The following RANBP17 variants were observed in gnomAD, a reference collection of about 807,000 sequenced individuals.
RANBP17 encodes the protein RAN binding protein 17, also known as ran-binding protein 17.
RANBP17 carries 158 observed loss-of-function variants against 141.2 expected under a neutral mutation model. That is an observed-to-expected ratio of 1.12 (90% CI 0.98 to 1.28). RANBP17 has a LOEUF of 1.28. Among genes scored for constraint, RANBP17 ranks in the 50% most tolerant of loss-of-function variants. The pLI, the probability that RANBP17 is intolerant of heterozygous loss-of-function variation, is 0.00. For missense variants in RANBP17, 1,438 were observed against 1,290.7 expected (o/e 1.11, Z -1.75); for synonymous variants, 430 against 450.0 (o/e 0.96, Z 0.56).
chr5:171,228,142 G>C (rs897744235), intron 22 of RANBP17, among the ~76,000 whole-genome samples: 1 of 152,238 alleles, frequency 6.6e-6, no homozygotes, highest in Non-Finnish European at 1.5e-5. Context: ...AGCTGCCATA[G>C]ATAGTGATTC....
rs962365336 is a variant in RANBP17, at chr5:170,879,566, G to A, written c.165+1323G>A. 4.6e-5 allele frequency among the ~76,000 whole-genome samples: 7 copies of A among 152,108 alleles called. 1 individual carries two copies. The highest frequency in any genetic ancestry group is 1.7e-4 in the African/African-American group (7 of 41,434). ...TCAAAATGGCTTTACTGCAGTATAA[G>A]TTCTGCATATAGGTTCTAAGCACTT... On this transcript the variant is annotated intron_variant, in intron 2 of 27. Coordinates refer to ENST00000523189, the MANE Select transcript of RANBP17 (RefSeq NM_022897.5).
At chr5:171,198,173 G>A (rs1762085297) in intron 18 of RANBP17, among the ~76,000 whole-genome samples, 1 of 152,200 alleles carries the variant, frequency 6.6e-6, no homozygotes, top group Non-Finnish European at 1.5e-5. Flanking sequence ...CATCTGTATA[G>A]GTCTATGTTA....
At chr5:171,162,930 C>T (rs769603731) in intron 14 of RANBP17, among the ~76,000 whole-genome samples, 2 of 152,136 alleles carry the variant, frequency 1.3e-5, no homozygotes, top group African/African-American at 4.8e-5. Context: ...CTGGGAATGC[C>T]TCTTAAGAGA....
intron 14 of RANBP17, among the ~76,000 whole-genome samples, chr5:171,136,788 C>T (rs527372998): frequency 7.9e-5 from 12 of 152,042 alleles, no homozygotes; most frequent in South Asian, 2.1e-4. Flanking sequence ...ATTAATTTTC[C>T]GCTTGATGTA....
intron 25 of RANBP17, among the ~76,000 whole-genome samples, chr5:171,272,236 G>A (rs1767164106): frequency 6.6e-6 from 1 of 152,052 alleles, no homozygotes; most frequent in South Asian, 2.1e-4. Context: ...CTACCTATTG[G>A]GGGTACTGTG....
At chr5:171,075,488 T>A (rs1277478393) in intron 14 of RANBP17, among the ~76,000 whole-genome samples, 2 of 152,090 alleles carry the variant, frequency 1.3e-5, no homozygotes, top group South Asian at 4.2e-4. Flanking sequence ...ATGTCCAGAG[T>A]AGGCAATTCT....
intron 27 of RANBP17, among the ~76,000 whole-genome samples, chr5:171,296,301 A>C (rs1287266341): frequency 6.6e-6 from 1 of 152,236 alleles, no homozygotes; most frequent in Non-Finnish European, 1.5e-5. Flanking sequence ...ACTGTAATTG[A>C]AAGATCAAAA....
intron 18 of RANBP17, among the ~76,000 whole-genome samples, chr5:171,195,722 AG>A (rs1365782124): frequency 6.6e-6 from 1 of 152,222 alleles, no homozygotes; most frequent in Admixed American, 6.5e-5. Flanking sequence ...GGAGTAAAGC[AG>A]ACCTGATTGG....
intron 25 of RANBP17, among the ~76,000 whole-genome samples, chr5:171,286,425 A>G (rs970090414): frequency 6.6e-6 from 1 of 152,076 alleles, no homozygotes; most frequent in African/African-American, 2.4e-5. Flanking sequence ...ACTTTTTTTT[A>G]ATTTAAAATG....
intron 14 of RANBP17, among the ~76,000 whole-genome samples, chr5:171,029,915 A>G (rs979487791): frequency 1.3e-4 from 20 of 152,058 alleles, no homozygotes; most frequent in African/African-American, 4.8e-4. Flanking sequence ...CATCATGATA[A>G]TGACATTGTG....
chr5:171,254,601 C>T (rs1207922370), intron 24 of RANBP17, among the ~76,000 whole-genome samples: 1 of 152,078 alleles, frequency 6.6e-6, no homozygotes, highest in Non-Finnish European at 1.5e-5. Flanking sequence ...TTTGTGTTTG[C>T]TAAGACTTTA....
At position 170,897,360 on chromosome 5, in the gene RANBP17, T is replaced by TTC. The variant is rs1326978360; in HGVS notation, c.489+1246_489+1247insCT. On this transcript the variant is annotated intron_variant, in intron 5 of 27. Transcript: ENST00000523189. ...GGCACATTTCTTCTTCTTCTTCTTC[T>TTC]TTTTTTTTTTTAAATATTCCATTGC... 2.5e-3 allele frequency: 593 copies of TTC among 237,930 alleles called. 2 individuals carry two copies. The South Asian group carries it at 0.032, about 13-fold the overall frequency. The allele number at this position is 237,930 out of a possible 1,614,324, so 14.7% of individuals were successfully genotyped here.
intron 22 of RANBP17, among the ~76,000 whole-genome samples, chr5:171,230,594 C>A (rs1764150895): frequency 6.6e-6 from 1 of 152,100 alleles, no homozygotes; most frequent in African/African-American, 2.4e-5. Context: ...AACCCCATCT[C>A]TACTGAAAAT....
Position 171,242,809 on chromosome 5 carries a change from T to C in RANBP17, c.2765T>C (p.Leu922Pro). 1 of 1,613,724 alleles carries C rather than the reference T, an allele frequency of 6.2e-7. No homozygotes were observed. The change falls in exon 24 of 28, where the codon CTC becomes CCC. Residue 922 changes from leucine to proline, a missense_variant. Leu to Pro is a moderately conservative substitution (Grantham distance 98). Coordinates refer to ENST00000523189, the MANE Select transcript of RANBP17 (RefSeq NM_022897.5). ...MYVLTSISEGLTTLDTVVSSS... is the reference protein window; with the variant it reads ...MYVLTSISEGPTTLDTVVSSS... ...GTTCTCACATCTATCTCAGAGGGAC[T>C]CACTACTCTTGGTAAGGATCATAGA...
intron 14 of RANBP17, among the ~76,000 whole-genome samples, chr5:171,039,693 A>G (rs575874468): frequency 6.6e-6 from 1 of 152,250 alleles, no homozygotes; most frequent in East Asian, 1.9e-4. Flanking sequence ...CAAAGGTGAC[A>G]TTACATCTGA....
chr5:171,166,738 C>T (rs1302206946), intron 14 of RANBP17, among the ~76,000 whole-genome samples: 1 of 152,086 alleles, frequency 6.6e-6, no homozygotes, highest in Middle Eastern at 3.2e-3. Flanking sequence ...TTCATGTTTT[C>T]TGCATGTTAT....
At chr5:171,171,863 A>C (rs556448055) in intron 16 of RANBP17, among the ~76,000 whole-genome samples, 1 of 152,082 alleles carries the variant, frequency 6.6e-6, no homozygotes, top group South Asian at 2.1e-4. Context: ...AAGATTCCCC[A>C]TTATACATTA....
Position 171,118,878 on chromosome 5 carries a change from A to G in RANBP17, c.1711-51252A>G, listed in dbSNP as rs530231132. ...ATCATGTCATCTGCAAACAGGGACA[A>G]TTTGGCTTTCTCCTTTCCAATTTAT... On this transcript the variant is annotated intron_variant, in intron 14 of 27. Transcript: ENST00000523189. Among the ~76,000 whole-genome samples, 151 of 152,284 alleles carry G rather than the reference A, an allele frequency of 9.9e-4. 1 individual carries two copies. The highest frequency in any genetic ancestry group is 3.4e-3 in the African/African-American group (143 of 41,558).
At chr5:171,013,780 A>G (rs963851103) in intron 14 of RANBP17, among the ~76,000 whole-genome samples, 1 of 152,124 alleles carries the variant, frequency 6.6e-6, no homozygotes, top group Admixed American at 6.6e-5. Context: ...GAATTAACAC[A>G]TGCATTTCTA....
Sources: allele counts gnomAD v4.1 joint callset (sites outside exome capture counted in the v4.1 genomes callset), GRCh38; gene constraint gnomAD v4.1.1; transcripts MANE v1.5; gene names NCBI Gene and HGNC (gene_info 2026-07-23, HGNC 2026-07-21).